The following CNBD1 variants were observed in gnomAD, a reference collection of about 807,000 sequenced individuals.
CNBD1 encodes cyclic nucleotide binding domain containing 1.
CNBD1 carries 71 observed loss-of-function variants against 54.4 expected under a neutral mutation model. The ratio of observed to expected loss-of-function variants is 1.30; its 90% CI spans 1.08 to 1.59. The LOEUF (loss-of-function observed/expected upper bound fraction) is 1.59. Among genes scored for constraint, CNBD1 ranks in the 40% most tolerant of loss-of-function variants. The probability of loss-of-function intolerance (pLI) is 0.00; values close to 1 mark genes in which losing one functional copy is unlikely to be tolerated. For synonymous variants in CNBD1, 182 were observed against 170.7 expected (o/e 1.07, Z -0.51); for missense variants, 659 against 518.0 (o/e 1.27, Z -2.64).
intron 8 of CNBD1, among the ~76,000 whole-genome samples, chr8:87,305,724 C>G (rs1029997861): frequency 1.3e-5 from 2 of 152,124 alleles, no homozygotes; most frequent in Non-Finnish European, 2.9e-5. Context: ...TAAACTGGAT[C>G]CTCATCTCTC....
At chr8:87,200,277 C>T (rs1011874485) in intron 4 of CNBD1, among the ~76,000 whole-genome samples, 3 of 152,024 alleles carry the variant, frequency 2.0e-5, no homozygotes, top group African/African-American at 7.2e-5. Context: ...GTAGTAGAAA[C>T]ACAAAAAGCT....
At chr8:87,308,562 A>T (rs1393030729) in intron 8 of CNBD1, among the ~76,000 whole-genome samples, 1 of 152,144 alleles carries the variant, frequency 6.6e-6, no homozygotes, top group Non-Finnish European at 1.5e-5. Flanking sequence ...AATATCCATA[A>T]TCTCAAACAT....
intron 4 of CNBD1, among the ~76,000 whole-genome samples, chr8:87,063,618 A>G (rs1810588276): frequency 6.6e-6 from 1 of 152,090 alleles, no homozygotes; most frequent in Non-Finnish European, 1.5e-5. Flanking sequence ...TCGAATCACT[A>G]TATAAAGGTT....
At chr8:87,412,257 T>C (rs1299543904) in intron 2 of CNBD1, among the ~76,000 whole-genome samples, 1 of 152,126 alleles carries the variant, frequency 6.6e-6, no homozygotes, top group Admixed American at 6.6e-5. Flanking sequence ...TGATATATCA[T>C]GTGTTTTGGT....
intron 4 of CNBD1, among the ~76,000 whole-genome samples, chr8:87,054,003 C>T (rs551673402): frequency 2.0e-5 from 3 of 152,260 alleles, no homozygotes; most frequent in East Asian, 3.9e-4. Flanking sequence ...ATGGAGACAG[C>T]GTGGAGGCTA....
intron 8 of CNBD1, among the ~76,000 whole-genome samples, chr8:87,307,354 C>G (rs1468727567): frequency 2.6e-5 from 4 of 152,162 alleles, no homozygotes; most frequent in Non-Finnish European, 5.9e-5. Context: ...GGGACATAGG[C>G]ATGGGTCATG....
chr8:87,016,812 G>A (rs913607518), intron 4 of CNBD1, among the ~76,000 whole-genome samples: 28 of 152,090 alleles, frequency 1.8e-4, no homozygotes, highest in African/African-American at 6.8e-4. Context: ...CCATTATAAG[G>A]TCTGTTTGCC....
chr8:87,187,306 AT>A (rs898171631), intron 4 of CNBD1, among the ~76,000 whole-genome samples: 10 of 151,846 alleles, frequency 6.6e-5, no homozygotes, highest in Non-Finnish European at 1.3e-4. Context: ...GATCCATGTG[AT>A]TTTTTTGTCT....
chr8:87,098,092 GTTAC>G (rs1380296887), intron 4 of CNBD1, among the ~76,000 whole-genome samples: 4 of 152,074 alleles, frequency 2.6e-5, no homozygotes, highest in Non-Finnish European at 4.4e-5. Flanking sequence ...CTATATAATT[GTTAC>G]TTAAGAATTT....
At chr8:87,413,978 T>A (rs1807795436) in intron 2 of CNBD1, among the ~76,000 whole-genome samples, 1 of 151,886 alleles carries the variant, frequency 6.6e-6, no homozygotes, top group Non-Finnish European at 1.5e-5. Flanking sequence ...TCCTCAGGGA[T>A]CTAGAGCTAG....
At chr8:87,127,222 C>G (rs947011320) in intron 4 of CNBD1, among the ~76,000 whole-genome samples, 9 of 152,004 alleles carry the variant, frequency 5.9e-5, no homozygotes, top group African/African-American at 1.9e-4. Flanking sequence ...ATTGGAGGTG[C>G]ATTCAATTTG....
At chr8:87,014,281 T>A (rs1563858370) in intron 4 of CNBD1, among the ~76,000 whole-genome samples, 1 of 152,008 alleles carries the variant, frequency 6.6e-6, no homozygotes, top group Non-Finnish European at 1.5e-5. Flanking sequence ...AGCAGTTTTT[T>A]TTTTTTGCAT....
rs577228383 is a variant in CNBD1 at position 86,938,619 on chromosome 8, GACTT to G, written c.273-973_273-970del. On this transcript the variant is annotated intron_variant, in intron 3 of 10. Coordinates refer to ENST00000518476, the MANE Select transcript of CNBD1 (RefSeq NM_173538.3). ...TTTATAAAACCATCAGATCTTGTGA[GACTT>G]ACTCACTATCATGAGAACAGTCCAG... Among the ~76,000 whole-genome samples the G allele has an allele frequency of 2.4e-3, 366 of 152,286 alleles. 2 individuals are homozygous for G. The highest frequency in any genetic ancestry group is 8.5e-3 in the African/African-American group (353 of 41,554).
At chr8:87,138,148 A>G (rs1263902814) in intron 4 of CNBD1, among the ~76,000 whole-genome samples, 1 of 152,172 alleles carries the variant, frequency 6.6e-6, no homozygotes, top group Non-Finnish European at 1.5e-5. Context: ...TCTCTCATCA[A>G]TCCAAGAACA....
At chr8:87,353,509 A>T in intron 9 of CNBD1, 127 bp from the exon 10 acceptor site, 1 of 602,406 alleles carries the variant, frequency 1.7e-6, no homozygotes, top group Non-Finnish European at 2.8e-6. Context: ...TAATTTAAAT[A>T]CAATTGCTAA....
At chr8:87,324,134 T>G (rs1260600115) in intron 8 of CNBD1, among the ~76,000 whole-genome samples, 1 of 124,726 alleles carries the variant, frequency 8.0e-6, no homozygotes, top group Non-Finnish European at 1.8e-5. Context: ...GAACCAGCCT[T>G]GCATCCCAGG....
chr8:87,369,079 C>G (rs1285824197), intron 10 of CNBD1, among the ~76,000 whole-genome samples: 1 of 151,886 alleles, frequency 6.6e-6, no homozygotes, highest in Non-Finnish European at 1.5e-5. Flanking sequence ...TTTTTTAATC[C>G]ATTATCCTTA....
At chr8:87,378,439 G>T (rs1197078416) in intron 10 of CNBD1, among the ~76,000 whole-genome samples, 1 of 150,826 alleles carries the variant, frequency 6.6e-6, no homozygotes, top group Admixed American at 6.6e-5. Context: ...GTTTTTCTCA[G>T]GTTTTTCAAA....
intron 8 of CNBD1, among the ~76,000 whole-genome samples, chr8:87,325,136 G>A (rs1809640000): frequency 2.1e-5 from 2 of 95,304 alleles, no homozygotes; most frequent in African/African-American, 1.3e-4. Context: ...TTAATCCTGA[G>A]TTCTAGTTTG....
Sources: gnomAD v4.1 joint callset for allele counts (sites outside exome capture counted in the v4.1 genomes callset) on GRCh38, gnomAD v4.1.1 for gene constraint, MANE v1.5 for transcripts, NCBI Gene and HGNC (gene_info 2026-07-23, HGNC 2026-07-21) for gene names.